Variants in CFAP65 observed in about 807,000 individuals in gnomAD.
The protein encoded by CFAP65 is cilia- and flagella-associated protein 65.
CFAP65 carries 155 observed loss-of-function variants against 208.0 expected under a neutral mutation model. That is an observed-to-expected ratio of 0.75 (90% CI 0.65 to 0.85). The LOEUF is 0.85. CFAP65 is among the 40% of genes least tolerant of loss of function. The pLI, the probability that CFAP65 is intolerant of heterozygous loss-of-function variation, is 0.00. For missense variants in CFAP65, 2,294 were observed against 2,451.3 expected (o/e 0.94, Z 1.36); for synonymous variants, 970 against 986.3 (o/e 0.98, Z 0.31).
intron 29 of CFAP65, among the ~76,000 whole-genome samples, chr2:219,006,833 C>CA (rs752764154): frequency 0.11 from 8,006 of 76,116 alleles, 433 homozygotes; most frequent in African/African-American, 0.19. Flanking sequence ...GACTCTGTCT[C>CA]AAAAAAAAAA....
intron 11 of CFAP65, 31 bp from the exon 12 acceptor site, chr2:219,028,432 T>C (rs762922315): frequency 7.4e-7 from 1 of 1,347,924 alleles, no homozygotes; most frequent in South Asian, 1.3e-5. Context: ...TGGTGGGGCA[T>C]GGGAGGGGTG....
rs781769861 is a variant in CFAP65, at chr2:219,019,736, G to C, written c.3260-17C>G. 3 of 1,609,742 alleles carry C rather than the reference G, an allele frequency of 1.9e-6. No homozygotes were observed. The African/African-American group carries it at 4.0e-5, about 21-fold the overall frequency. Reference sequence around the variant, plus strand: ...CCTTGTTATCTGGGGAGGGGGGTGAGGAAGACAGAAGTGGGCTTGCCTCCC... The same window carrying C: ...CCTTGTTATCTGGGGAGGGGGGTGACGAAGACAGAAGTGGGCTTGCCTCCC... On this transcript the variant is annotated splice_polypyrimidine_tract_variant and intron_variant, in intron 19 of 34. Coordinates refer to ENST00000341552, the MANE Select transcript of CFAP65 (RefSeq NM_194302.4).
intron 30 of CFAP65, 59 bp from the exon 31 acceptor site, chr2:219,006,282 TGG>T: frequency 6.5e-7 from 1 of 1,547,898 alleles, no homozygotes; most frequent in South Asian, 1.2e-5. Flanking sequence ...ACATCACCAA[TGG>T]GGTCCCTTGA....
chr2:219,018,786 A>G, intron 21 of CFAP65: 1 of 471,438 alleles, frequency 2.1e-6, no homozygotes, highest in Non-Finnish European at 3.9e-6. Context: ...CTCATTTGTT[A>G]AGTTATTAAG....
chr2:219,017,011 T>C (rs1002394755), intron 21 of CFAP65, among the ~76,000 whole-genome samples: 8 of 152,222 alleles, frequency 5.3e-5, no homozygotes, highest in Non-Finnish European at 1.0e-4. Flanking sequence ...CTAGCTTAGT[T>C]GTAGCTTTCT....
In CFAP65 at chr2:219,006,213, G is replaced by A. The variant is rs760426354; in HGVS notation, c.4730C>T (p.Pro1577Leu). 6.2e-7 allele frequency: 1 copy of A among 1,606,688 alleles called. No individual in the cohort carries two copies. The highest frequency in any genetic ancestry group is 8.5e-7 in the Non-Finnish European group (1 of 1,174,460). The change falls in exon 31 of 35, where the codon CCC (proline) becomes CTC (leucine). Residue 1577 changes from proline (P) to leucine (L), a missense_variant. Around this residue, in one of 2 missense-constraint regions of CFAP65, gnomAD observed 1,427 missense variants for 1,438.7 expected, o/e 0.99. Transcript: ENST00000341552. ...EPARKYKTLPPIKNQQSVSRP... is the reference protein window; with the variant it reads ...EPARKYKTLPLIKNQQSVSRP... ...GCTGACAGACTGCTGGTTCTTGATGGGAGGCAGTGTCTTTGGGAAGGGAGG... is the reference window on the plus strand; with the variant it reads ...GCTGACAGACTGCTGGTTCTTGATGAGAGGCAGTGTCTTTGGGAAGGGAGG...
intron 22 of CFAP65, 57 bp from the exon 23 acceptor site, chr2:219,013,642 G>C: frequency 6.8e-7 from 1 of 1,470,602 alleles, no homozygotes; most frequent in Non-Finnish European, 9.4e-7. Context: ...ACAAGTAGGA[G>C]AGCAAATGGA....
intron 32 of CFAP65, 143 bp downstream of exon 32, chr2:219,005,291 G>T: frequency 1.7e-6 from 2 of 1,156,670 alleles, no homozygotes; most frequent in Non-Finnish European, 2.5e-6. Context: ...CTCCCAAAGT[G>T]TTGGAATTAC....
At position 219,006,069 on chromosome 2, in the gene CFAP65, T is replaced by C. The variant is rs1945950379; in HGVS notation, c.4874A>G (p.Tyr1625Cys). Residue 1625 changes from tyrosine to cysteine, a missense_variant, in exon 31 of 35, where the codon TAC becomes TGC. Tyr to Cys is a radical substitution (Grantham distance 194). Transcript: ENST00000341552. ...GLTARAHATD[Y>C]FLANFFSEFP... ...CTCTGAGAAGAAGTTAGCCAGAAAG[T>C]AGTCGGTGGCATGGGCTCGGGCAGT... 5 of 1,613,424 alleles carry C rather than the reference T, an allele frequency of 3.1e-6. No individual in the cohort carries two copies. Among genetic ancestry groups the C allele is most frequent in the Non-Finnish European group, 4.2e-6 (5 of 1,179,998 alleles).
rs1946607789 is a variant in CFAP65, at chr2:219,013,269, G to A, written c.3947C>T (p.Pro1316Leu). The change falls in exon 24 of 35, where the codon CCC (proline) becomes CTC (leucine). Residue 1316 changes from proline to leucine, a missense_variant. Pro to Leu is a moderately conservative substitution (Grantham distance 98). Transcript: ENST00000341552. ...FIPIPIGDTL[P>L]PRQIYELYNG... The stretch of plus-strand genomic sequence containing the variant: ...ATGTGGACCACTGACCTGCCGTGGG[G>A]GTAGCGTGTCACCAATGGGAATGGG... 2 of 1,611,848 alleles carry A rather than the reference G, an allele frequency of 1.2e-6. No homozygotes were observed. Among genetic ancestry groups the A allele is most frequent in the Admixed American group, 1.7e-5 (1 of 59,934 alleles).
chr2:219,030,655 G>T, intron 9 of CFAP65, 34 bp downstream of exon 9: 4 of 1,602,734 alleles, frequency 2.5e-6, no homozygotes, highest in Non-Finnish European at 3.4e-6. Context: ...TCCTGGGGGC[G>T]TGAGTCCTGC....
Position 219,024,478 on chromosome 2 carries a change from G to A in CFAP65, c.2350-218C>T, listed in dbSNP as rs1396698468. Among the ~76,000 whole-genome samples, 13 of 139,246 alleles carry A rather than the reference G, an allele frequency of 9.3e-5. No individual in the cohort carries two copies. The East Asian group carries it at 1.0e-3, about 11-fold the overall frequency. 91.4% of individuals were successfully genotyped at this position (139,246 alleles called of 152,430 possible). ...TCCAGAGACCTCCAGAAAGGGGCGG[G>A]GGGGGGGCAGGGGGGCGGGGGCACA... On this transcript the variant is annotated intron_variant, in intron 14 of 34. Coordinates refer to ENST00000341552, the MANE Select transcript of CFAP65 (RefSeq NM_194302.4).
intron 14 of CFAP65, 63 bp from the exon 15 acceptor site, chr2:219,024,323 A>T (rs887318860): frequency 6.4e-7 from 1 of 1,555,136 alleles, no homozygotes; most frequent in Non-Finnish European, 8.7e-7. Context: ...ACACACACTC[A>T]GGGCCCTATG....
intron 20 of CFAP65, 21 bp downstream of exon 20, chr2:219,019,485 C>G: frequency 6.3e-7 from 1 of 1,599,530 alleles, no homozygotes; most frequent in Non-Finnish European, 8.5e-7. Flanking sequence ...AGCCCCCACC[C>G]CCACTCCAGG....
At chr2:219,024,470 A>C (rs1559143439) in intron 14 of CFAP65, among the ~76,000 whole-genome samples, 6 of 6,940 alleles carry the variant, frequency 8.6e-4, no homozygotes, top group African/African-American at 4.2e-3. Context: ...ACCTCCAGAA[A>C]GGGGCGGGGG....
intron 29 of CFAP65, 57 bp downstream of exon 29, chr2:219,008,990 T>G: frequency 6.8e-7 from 1 of 1,473,570 alleles, no homozygotes; most frequent in East Asian, 2.3e-5. Context: ...CTCTGTCCCC[T>G]CTGGTAAGGC....
chr2:219,036,798 A>G (rs755856465), intron 4 of CFAP65, among the ~76,000 whole-genome samples: 2 of 152,228 alleles, frequency 1.3e-5, no homozygotes, highest in Non-Finnish European at 2.9e-5. Context: ...GCATAATATA[A>G]GGATATAGTC....
At chr2:219,039,149 ATATTTG>A in intron 2 of CFAP65, 99 bp from the exon 3 acceptor site, 1 of 1,019,276 alleles carries the variant, frequency 9.8e-7, no homozygotes, top group South Asian at 1.7e-5. Context: ...TGTGGCACAT[ATATTTG>A]TATATATGCC....
rs1007951651 is a variant in CFAP65, at chr2:219,032,971, C to T, written c.543-399G>A. ...ACCTCAGCAGAGCTGTAGCATCCCA[C>T]AGTGGGTCAGAACCACAGCTGCTGC... On this transcript the variant is annotated intron_variant, in intron 5 of 34. Transcript: ENST00000341552. This position sits in a 1 kb window ranked among gnomAD's most constrained non-coding sequence, Gnocchi z 5.5. 6.6e-6 allele frequency among the ~76,000 whole-genome samples: 1 copy of T among 152,162 alleles called. No individual in the cohort carries two copies. The highest frequency in any genetic ancestry group is 1.5e-5 in the Non-Finnish European group (1 of 68,030).
Sources: gnomAD v4.1 joint callset for allele counts (sites outside exome capture counted in the v4.1 genomes callset) on GRCh38, gnomAD v4.1.1 for gene constraint, gnomAD v4.1.1 regional missense constraint, Gnocchi (gnomAD v3.1) non-coding constraint, MANE v1.5 for transcripts, NCBI Gene and HGNC (gene_info 2026-07-23, HGNC 2026-07-21) for gene names.